The following RTL4 variants were observed in gnomAD, a reference collection of about 807,000 sequenced individuals.
RTL4 encodes the protein retrotransposon Gag like 4.
A neutral mutation model predicts 5.3 loss-of-function variants in RTL4; 4 were observed. The ratio of observed to expected loss-of-function variants is 0.75; its 90% CI spans 0.37 to 1.72. RTL4 has a LOEUF of 1.72. Among genes scored for constraint, RTL4 ranks in the 40% most tolerant of loss-of-function variants. The probability of loss-of-function intolerance (pLI) is 0.04; values close to 1 mark genes in which losing one functional copy is unlikely to be tolerated. For synonymous variants in RTL4, 98 were observed against 87.3 expected (o/e 1.12, Z -0.68); for missense variants, 260 against 227.1 (o/e 1.14, Z -0.93).
At chrX:112,265,325 A>G in the RTL4 span, among the ~76,000 whole-genome samples, 1 of 112,646 alleles carries the variant, frequency 8.9e-6, no homozygotes, top group East Asian at 2.8e-4. Context: ...TGCAAAGTGA[A>G]AGGCATGCAG....
chrX:112,236,401 A>ATAGATATAGATCTATATC, the RTL4 span, among the ~76,000 whole-genome samples: 2 of 66,272 alleles, frequency 3.0e-5, no homozygotes, highest in African/African-American at 1.2e-4. Flanking sequence ...TATATATAAT[A>ATAGATATAGATCTATATC]TAGATATAGA....
chrX:112,367,839 T>C, the RTL4 span, among the ~76,000 whole-genome samples: 4 of 111,824 alleles, frequency 3.6e-5, no homozygotes, highest in South Asian at 1.5e-3. Flanking sequence ...CAGGGAAGAC[T>C]TCCTGCAGGA....
the RTL4 span, among the ~76,000 whole-genome samples, chrX:112,412,875 A>C: frequency 2.7e-5 from 3 of 111,805 alleles, no homozygotes; most frequent in Admixed American, 2.9e-4. Context: ...TAAGTTACAA[A>C]GCTTCTGCAC....
the RTL4 span, among the ~76,000 whole-genome samples, chrX:112,363,470 T>C: frequency 3.6e-5 from 4 of 110,777 alleles, no homozygotes; most frequent in African/African-American, 1.3e-4. Context: ...TCCGAGTCCA[T>C]AGCAGTTTGC....
At chrX:112,379,748 T>C in the RTL4 span, among the ~76,000 whole-genome samples, 924 of 112,238 alleles carry the variant, frequency 8.2e-3, 9 homozygotes, top group African/African-American at 0.028. Flanking sequence ...ACACTTTTTA[T>C]GCATCTATTG....
chrX:112,215,380 A>G, the RTL4 span, among the ~76,000 whole-genome samples: 1 of 111,979 alleles, frequency 8.9e-6, no homozygotes, highest in Admixed American at 9.5e-5. Context: ...GACAATTTGC[A>G]TATCTTCTTT....
chrX:112,436,226 CA>C, the RTL4 span, among the ~76,000 whole-genome samples: 23,860 of 97,931 alleles, frequency 0.24, 2,363 homozygotes, highest in African/African-American at 0.38. Flanking sequence ...CATAACAAAA[CA>C]AAAAAAAAAA....
chrX:112,282,510 G>A, the RTL4 span, among the ~76,000 whole-genome samples: 2 of 111,615 alleles, frequency 1.8e-5, no homozygotes, highest in African/African-American at 6.5e-5. Flanking sequence ...TTAGGATTGT[G>A]TTTTCTATTT....
chrX:112,183,547 A>G, the RTL4 span, among the ~76,000 whole-genome samples: 1 of 112,316 alleles, frequency 8.9e-6, no homozygotes, highest in Non-Finnish European at 1.9e-5. Flanking sequence ...AAACCAACAA[A>G]GGTCAAAAAG....
the RTL4 span, among the ~76,000 whole-genome samples, chrX:112,195,584 C>T: frequency 5.4e-5 from 6 of 111,279 alleles, no homozygotes; most frequent in Non-Finnish European, 1.1e-4. Flanking sequence ...CAAAACACTA[C>T]GGCTGTGAAG....
At chrX:112,306,987 T>C in the RTL4 span, among the ~76,000 whole-genome samples, 1 of 109,904 alleles carries the variant, frequency 9.1e-6, no homozygotes, top group East Asian at 2.9e-4. Context: ...GTTAGAAACC[T>C]TGTGTGTGTA....
chrX:112,416,677 T>C, the RTL4 span, among the ~76,000 whole-genome samples: 1 of 112,196 alleles, frequency 8.9e-6, no homozygotes, highest in East Asian at 2.8e-4. Flanking sequence ...GAAGGCTATG[T>C]CTATTTATTT....
chrX:112,455,939 C>A, exon 1 of RTL4: 1 of 340,576 alleles, frequency 2.9e-6, no homozygotes, highest in East Asian at 4.8e-5. Flanking sequence ...AAAACTTTGC[C>A]CAGTCTGAGC....
the RTL4 span, among the ~76,000 whole-genome samples, chrX:112,300,712 G>A: frequency 2.7e-5 from 3 of 112,147 alleles, no homozygotes; most frequent in South Asian, 3.7e-4. Context: ...GAAGCAATAC[G>A]ACAAGATTAA....
chrX:112,139,157 CATAGAG>C, the RTL4 span, among the ~76,000 whole-genome samples: 2 of 110,905 alleles, frequency 1.8e-5, no homozygotes, highest in Admixed American at 9.7e-5. Context: ...GGAGGAATAC[CATAGAG>C]ATAAAGTGCC....
At chrX:112,219,978 G>A in the RTL4 span, among the ~76,000 whole-genome samples, 4 of 110,960 alleles carry the variant, frequency 3.6e-5, no homozygotes, top group African/African-American at 1.3e-4. Context: ...TCCTCCTCTG[G>A]GTGTTTCCCT....
chrX:112,187,997 T>C, the RTL4 span, among the ~76,000 whole-genome samples: 5 of 111,970 alleles, frequency 4.5e-5, no homozygotes, highest in Admixed American at 4.8e-4. Flanking sequence ...ATGATGATCA[T>C]GGCTATGTTA....
chrX:112,386,171 AT>A, the RTL4 span, among the ~76,000 whole-genome samples: 1 of 111,999 alleles, frequency 8.9e-6, no homozygotes. Flanking sequence ...ATTTTTATTC[AT>A]GCATGCAATG....
the RTL4 span, among the ~76,000 whole-genome samples, chrX:112,296,508 T>A: frequency 9.0e-6 from 1 of 111,603 alleles, no homozygotes; most frequent in Non-Finnish European, 1.9e-5. Flanking sequence ...ACTGAGCAGT[T>A]GGTCTCAGTA....
Sources: gnomAD v4.1 joint callset for allele counts (sites outside exome capture counted in the v4.1 genomes callset) on GRCh38, gnomAD v4.1.1 for gene constraint, MANE v1.5 for transcripts, NCBI Gene and HGNC (gene_info 2026-07-23, HGNC 2026-07-21) for gene names.